The following NUP98 variants were observed in gnomAD, a reference collection of about 807,000 sequenced individuals.
The protein encoded by NUP98 is nucleoporin 98 and 96 precursor, also known as nuclear pore complex protein Nup98-Nup96.
NUP98 carries 26 observed loss-of-function variants against 191.9 expected under a neutral mutation model. The ratio of observed to expected loss-of-function variants is 0.14; its 90% CI spans 0.10 to 0.19. NUP98 has a LOEUF of 0.19. Ranked by LOEUF, NUP98 falls within the 10% of genes least tolerant of loss-of-function variation. The pLI, the probability that NUP98 is intolerant of heterozygous loss-of-function variation, is 1.00. For synonymous variants in NUP98, 808 were observed against 778.4 expected, an observed-to-expected ratio of 1.04 and a Z score of -0.63; for missense variants, 1,941 against 2,178.8, an observed-to-expected ratio of 0.89 and a Z score of 2.17.
At chr11:3,728,173 C>T (rs574541413) in intron 14 of NUP98, among the ~76,000 whole-genome samples, 18 of 152,124 alleles carry the variant, frequency 1.2e-4, no homozygotes, top group Non-Finnish European at 2.2e-4. Context: ...AAATAGCATG[C>T]CTATCGTGTC....
intron 1 of NUP98, among the ~76,000 whole-genome samples, chr11:3,787,990 C>CA (rs995273793): frequency 2.8e-4 from 42 of 151,766 alleles, no homozygotes; most frequent in African/African-American, 1.0e-3. Flanking sequence ...GAGTCCATCT[C>CA]AAAAAAAATA....
At chr11:3,757,456 G>A (rs1231042356) in intron 10 of NUP98, among the ~76,000 whole-genome samples, 5 of 148,582 alleles carry the variant, frequency 3.4e-5, no homozygotes, top group Admixed American at 6.7e-5. Context: ...CACTACACTC[G>A]AGCCTGGGAG....
chr11:3,777,796 T>C lies in NUP98; in HGVS notation c.355+1077A>G, dbSNP rs190303290. ...TCTTTCTAAAACATGTCTTAATATA[T>C]AGTTTAAAGCAAACAGGCACATTTC... On this transcript the variant is annotated intron_variant, in intron 4 of 32. Coordinates refer to ENST00000324932, the MANE Select transcript of NUP98 (RefSeq NM_016320.5). Among the ~76,000 whole-genome samples the C allele has an allele frequency of 2.3e-4, 35 of 152,228 alleles. No homozygotes were observed. The East Asian group carries it at 6.6e-3, about 29-fold the overall frequency.
chr11:3,726,689 C>T (rs1175612033), intron 14 of NUP98, among the ~76,000 whole-genome samples: 1 of 151,804 alleles, frequency 6.6e-6, no homozygotes, highest in African/African-American at 2.4e-5. Flanking sequence ...ATACTTTTTC[C>T]CCCAAACAGT....
In NUP98 at chr11:3,701,259, T is replaced by G. The variant is rs2078668714; in HGVS notation, c.3513-420A>C. 1.6e-5 allele frequency among the ~76,000 whole-genome samples: 2 copies of G among 124,342 alleles called. 1 individual carries two copies. The highest frequency in any genetic ancestry group is 4.6e-4 in the South Asian group (2 of 4,320). The allele number at this position is 124,342 out of a possible 152,430, so 81.6% of individuals were successfully genotyped here. On this transcript the variant is annotated intron_variant, in intron 23 of 32. Transcript: ENST00000324932. ...AGCTAAGCTAGGCTTGTTCCAATTTTTTTTTTTTTTTTTTTTTTGAGATGG... is the reference window on the plus strand; with the variant it reads ...AGCTAAGCTAGGCTTGTTCCAATTTGTTTTTTTTTTTTTTTTTTGAGATGG...
intron 7 of NUP98, among the ~76,000 whole-genome samples, chr11:3,770,665 A>C (rs868759862): frequency 6.6e-6 from 1 of 152,058 alleles, no homozygotes; most frequent in African/African-American, 2.4e-5. Context: ...GTATAAGGCA[A>C]GTATATAACC....
At chr11:3,719,572 T>TA (rs758046115) in intron 17 of NUP98, 22 bp from the exon 18 acceptor site, 6 of 1,510,240 alleles carry the variant, frequency 4.0e-6, no homozygotes, top group African/African-American at 2.9e-5. Context: ...AGCAAATAGT[T>TA]AAAAATTCAT....
chr11:3,688,588 A>T (rs2078201546), intron 28 of NUP98, among the ~76,000 whole-genome samples: 1 of 151,292 alleles, frequency 6.6e-6, no homozygotes, highest in South Asian at 2.1e-4. Context: ...TGAGGTCAGG[A>T]GTTCGAGACC....
chr11:3,764,021 T>C (rs188720655), intron 8 of NUP98, among the ~76,000 whole-genome samples: 67 of 152,342 alleles, frequency 4.4e-4, no homozygotes, highest in African/African-American at 1.6e-3. Flanking sequence ...ATCATAAAAT[T>C]CACTCATTTA....
rs2079843822 is a variant in NUP98 at position 3,731,399 on chromosome 11, G to C, written c.1722C>G (p.Phe574Leu). The change falls in exon 14 of 33, where the codon TTC becomes TTG. Residue 574 changes from phenylalanine (F) to leucine (L), a missense_variant. Phe to Leu is a conservative substitution (Grantham distance 22). Around this residue, in one of 6 missense-constraint regions of NUP98, gnomAD observed 453 missense variants for 438.2 expected, o/e 1.03. Coordinates refer to ENST00000324932, the MANE Select transcript of NUP98 (RefSeq NM_016320.5). ...AACAAAAATAAACTCACTTGGGCAT[G>C]AATGCTCCATTGGCTAGGGATGGTT... ...DDEPSLANGAFMPKKSIKKLV... is the reference protein window; with the variant it reads ...DDEPSLANGALMPKKSIKKLV... 1.9e-6 allele frequency: 3 copies of C among 1,568,372 alleles called. No homozygotes were observed. Among genetic ancestry groups the C allele is most frequent in the Non-Finnish European group, 2.6e-6 (3 of 1,155,648 alleles).
chr11:3,791,086 G>A (rs982633930), intron 1 of NUP98, among the ~76,000 whole-genome samples: 21 of 151,906 alleles, frequency 1.4e-4, no homozygotes, highest in East Asian at 3.9e-4. Flanking sequence ...TAGTAGAGAC[G>A]GGTTTTCACC....
intron 10 of NUP98, among the ~76,000 whole-genome samples, chr11:3,754,476 T>TGTTC (rs1286436679): frequency 6.6e-6 from 1 of 152,120 alleles, no homozygotes; most frequent in Non-Finnish European, 1.5e-5. Context: ...ACACTTTAAC[T>TGTTC]GAACCTAAAG....
chr11:3,682,267 G>A (rs1038092852), intron 30 of NUP98, among the ~76,000 whole-genome samples: 4 of 152,176 alleles, frequency 2.6e-5, no homozygotes, highest in African/African-American at 9.7e-5. Context: ...TATGTTCACT[G>A]GAGTAGCACT....
chr11:3,705,399 C>A, intron 21 of NUP98, 43 bp from the exon 22 acceptor site: 2 of 1,592,778 alleles, frequency 1.3e-6, no homozygotes, highest in South Asian at 2.2e-5. Context: ...TTCCCAGAAT[C>A]AAAAGGCCAT....
rs2077858458 is a variant in NUP98, at chr11:3,677,581, T to C, written c.5074-961A>G. On this transcript the variant is annotated intron_variant, in intron 31 of 32. Transcript: ENST00000324932. ...ACCCTTTGCTTAATCCCTATACTTA[T>C]CAAGCTATAGTAATTGCTGCTTTAC... Among the ~76,000 whole-genome samples the C allele has an allele frequency of 2.0e-5, 3 of 152,082 alleles. No homozygotes were observed. In the South Asian group the frequency reaches 6.2e-4, roughly 32 times the overall value.
chr11:3,754,980 C>G lies in NUP98; in HGVS notation c.1175-1572G>C, dbSNP rs1290959017. On this transcript the variant is annotated intron_variant, in intron 10 of 32. Transcript: ENST00000324932. The stretch of plus-strand genomic sequence containing the variant: ...AAAAAAAAAATCCATAGGTATCAAA[C>G]AAAGATCCTATTCTGTACTGCTGCC... Among the ~76,000 whole-genome samples the G allele has an allele frequency of 5.0e-5, 6 of 120,460 alleles. No individual in the cohort carries two copies. The East Asian group carries it at 9.2e-4, about 18-fold the overall frequency. 79.0% of individuals were successfully genotyped at this position (120,460 alleles called of 152,430 possible). A position where few individuals can be genotyped will look rare whatever the true frequency, so the allele number is the denominator to read the frequency against.
intron 11 of NUP98, among the ~76,000 whole-genome samples, chr11:3,752,092 C>T (rs1045536179): frequency 2.0e-5 from 3 of 148,858 alleles, no homozygotes; most frequent in African/African-American, 5.0e-5. Context: ...TGCAGTGAGC[C>T]GAGATTATGC....
chr11:3,679,673 C>G lies in NUP98; in HGVS notation c.4954G>C (p.Gly1652Arg). The change falls in exon 31 of 33, where the codon GGG becomes CGG. Residue 1652 changes from glycine (G) to arginine (R), a missense_variant. Coordinates refer to ENST00000324932, the MANE Select transcript of NUP98 (RefSeq NM_016320.5). ...GGAGGTGCCAGGTCTTCCAAGAACC[C>G]CTTCAGGTAGTCATAGTTCTCATTA... ...IINENYDYLK[G>R]FLEDLAPPER... 1 of 1,614,082 alleles carries G rather than the reference C, an allele frequency of 6.2e-7. No homozygotes were observed. The highest frequency in any genetic ancestry group is 8.5e-7 in the Non-Finnish European group (1 of 1,179,972).
intron 12 of NUP98, among the ~76,000 whole-genome samples, chr11:3,737,321 CAAAA>C (rs34718372): frequency 6.3e-5 from 7 of 111,944 alleles, no homozygotes; most frequent in African/African-American, 1.9e-4. Flanking sequence ...GCAGTAATAA[CAAAA>C]AAAAAAAAAA....
Sources: gnomAD v4.1 joint callset for allele counts (sites outside exome capture counted in the v4.1 genomes callset) on GRCh38, gnomAD v4.1.1 for gene constraint, gnomAD v4.1.1 regional missense constraint, MANE v1.5 for transcripts, NCBI Gene and HGNC (gene_info 2026-07-23, HGNC 2026-07-21) for gene names.